PAPPA2: variants seen among roughly 807,000 people sequenced by gnomAD.
The protein encoded by PAPPA2 is pappalysin-2.
A neutral mutation model predicts 176.4 loss-of-function variants in PAPPA2; 86 were observed. The observed-to-expected ratio is 0.49, with a 90% CI of 0.41 to 0.58. The LOEUF (loss-of-function observed/expected upper bound fraction) is 0.58, where lower values mean the gene tolerates loss of function less well. PAPPA2 is among the 20% of genes least tolerant of loss of function. PAPPA2 has a pLI of 0.00. For synonymous variants in PAPPA2, 809 were observed against 852.2 expected (o/e 0.95, Z 0.88); for missense variants, 2,073 against 2,256.9 (o/e 0.92, Z 1.65).
intron 5 of PAPPA2, among the ~76,000 whole-genome samples, 173 bp from the exon 6 acceptor site, chr1:176,691,953 C>G (rs1660137111): frequency 6.6e-6 from 1 of 152,164 alleles, no homozygotes; most frequent in Non-Finnish European, 1.5e-5. Flanking sequence ...TTACCCTTTC[C>G]AGCTTAGACC....
chr1:176,842,622 TAG>T lies in PAPPA2; in HGVS notation c.*169_*170del. 1 of 645,558 alleles carries T rather than the reference TAG, an allele frequency of 1.5e-6. No homozygotes were observed. Among genetic ancestry groups the T allele is most frequent in the Non-Finnish European group, 2.6e-6 (1 of 381,998 alleles). The allele number at this position is 645,558 out of a possible 1,614,324, so 40.0% of individuals were successfully genotyped here. A position where few individuals can be genotyped will look rare whatever the true frequency, so the allele number is the denominator to read the frequency against. On this transcript the variant is annotated 3_prime_UTR_variant, in exon 23 of 23. Transcript: ENST00000367662. The stretch of plus-strand genomic sequence containing the variant: ...CAAGAGGATATTGATAGGTGTGAAC[TAG>T]TTCATCAAGTAGCCCAAGTAGGAGA...
intron 1 of PAPPA2, among the ~76,000 whole-genome samples, 174 bp downstream of exon 1, chr1:176,463,592 C>T (rs957583844): frequency 6.6e-6 from 1 of 152,212 alleles, no homozygotes; most frequent in African/African-American, 2.4e-5. Flanking sequence ...CCTTTAGCAT[C>T]ATTGTTCCCA....
intron 1 of PAPPA2, among the ~76,000 whole-genome samples, chr1:176,515,541 G>A (rs1648860832): frequency 1.3e-5 from 2 of 152,132 alleles, no homozygotes; most frequent in African/African-American, 4.8e-5. Flanking sequence ...AACCTAAACA[G>A]ATTTCTCAGA....
At chr1:176,530,453 C>T (rs1649749064) in intron 1 of PAPPA2, among the ~76,000 whole-genome samples, 1 of 152,196 alleles carries the variant, frequency 6.6e-6, no homozygotes, top group South Asian at 2.1e-4. Flanking sequence ...AAAAAAACAA[C>T]TCCAGAAGTC....
chr1:176,624,870 A>G (rs903157122), intron 3 of PAPPA2, among the ~76,000 whole-genome samples: 4 of 152,160 alleles, frequency 2.6e-5, no homozygotes, highest in Admixed American at 2.6e-4. Flanking sequence ...GAGCAACTTA[A>G]CCAGGTTGCA....
intron 12 of PAPPA2, among the ~76,000 whole-genome samples, chr1:176,718,701 T>A (rs905463372): frequency 2.0e-5 from 3 of 151,148 alleles, no homozygotes; most frequent in African/African-American, 7.3e-5. Context: ...GGGGTAACTT[T>A]TTTTTTTAAA....
chr1:176,484,021 C>T (rs2102483653), intron 1 of PAPPA2, among the ~76,000 whole-genome samples: 1 of 152,330 alleles, frequency 6.6e-6, no homozygotes, highest in East Asian at 1.9e-4. Context: ...ATTGGTTCTA[C>T]ATACAGAATA....
chr1:176,537,719 A>AGTGTGTGTGTGTGTGTGTGT (rs57602344), intron 1 of PAPPA2, among the ~76,000 whole-genome samples: 89 of 143,928 alleles, frequency 6.2e-4, no homozygotes, highest in Middle Eastern at 7.2e-3. Flanking sequence ...GTAGGTATGG[A>AGTGTGTGTGTGTGTGTGTGT]GTGTGTGTGT....
chr1:176,841,212 G>A (rs1014615673), intron 22 of PAPPA2, among the ~76,000 whole-genome samples: 39 of 152,130 alleles, frequency 2.6e-4, no homozygotes, highest in African/African-American at 9.2e-4. Context: ...AATCAGGCCA[G>A]CTATCTCTGT....
intron 14 of PAPPA2, among the ~76,000 whole-genome samples, chr1:176,744,491 G>C (rs1662819412): frequency 6.6e-6 from 1 of 151,990 alleles, no homozygotes; most frequent in South Asian, 2.1e-4. Context: ...TTACCTTTAG[G>C]ACATATATCT....
intron 1 of PAPPA2, among the ~76,000 whole-genome samples, chr1:176,483,762 C>T (rs1432237558): frequency 6.6e-6 from 1 of 152,114 alleles, no homozygotes; most frequent in African/African-American, 2.4e-5. Flanking sequence ...AGCCACCACA[C>T]CCAGCCTCAG....
intron 17 of PAPPA2, among the ~76,000 whole-genome samples, chr1:176,785,411 A>T (rs1268985163): frequency 6.6e-6 from 1 of 152,154 alleles, no homozygotes; most frequent in Non-Finnish European, 1.5e-5. Context: ...ATGTAGAGAG[A>T]TGCAGAAGTC....
chr1:176,595,065 G>A lies in PAPPA2; in HGVS notation c.1461G>A (p.Glu487=), dbSNP rs765175272. Residue 487 remains glutamate (E), a synonymous_variant, in exon 3 of 23, where the codon GAG becomes GAA. Coordinates refer to ENST00000367662, the MANE Select transcript of PAPPA2 (RefSeq NM_020318.3). ...RLEVLQGFEP[E]PEILSPLQPP... is the part of the protein sequence containing the mutation. ...AGGTTCTCCAGGGCTTTGAGCCAGAGCCTGAGATTCTGTCGCCTTTGCAGC... is the reference window on the plus strand; with the variant it reads ...AGGTTCTCCAGGGCTTTGAGCCAGAACCTGAGATTCTGTCGCCTTTGCAGC... 1.2e-6 allele frequency: 2 copies of A among 1,614,162 alleles called. No individual in the cohort carries two copies. Among genetic ancestry groups the A allele is most frequent in the Non-Finnish European group, 1.7e-6 (2 of 1,180,034 alleles).
At position 176,782,805 on chromosome 1, in the gene PAPPA2, C is replaced by T. The variant is rs543202457; in HGVS notation, c.4716-7004C>T. Among the ~76,000 whole-genome samples, 7 of 152,188 alleles carry T rather than the reference C, an allele frequency of 4.6e-5. 1 individual carries two copies. The highest frequency in any genetic ancestry group is 6.8e-3 in the Middle Eastern group (2 of 294). On this transcript the variant is annotated intron_variant, in intron 17 of 22. Coordinates refer to ENST00000367662, the MANE Select transcript of PAPPA2 (RefSeq NM_020318.3). ...AATTTATTTTTTTGAAAGTTCCCTC[C>T]GACTAATCTTTGCTGACTGGCTGGG...
chr1:176,652,934 G>A (rs1295099700), intron 3 of PAPPA2, among the ~76,000 whole-genome samples: 9 of 151,624 alleles, frequency 5.9e-5, no homozygotes, highest in Non-Finnish European at 1.2e-4. Context: ...TTTGGTTCTG[G>A]GACATTGCTA....
rs1666660798 is a variant in PAPPA2, at chr1:176,821,386, G to A, written c.5203-18787G>A. ...TTGAAGTAGATTTGAAGCATAAATAGGCATGAAAGGCAAAGATGTGAAAGG... is the reference window on the plus strand; with the variant it reads ...TTGAAGTAGATTTGAAGCATAAATAAGCATGAAAGGCAAAGATGTGAAAGG... On this transcript the variant is annotated intron_variant, in intron 21 of 22. Coordinates refer to ENST00000367662, the MANE Select transcript of PAPPA2 (RefSeq NM_020318.3). 4.6e-5 allele frequency among the ~76,000 whole-genome samples: 7 copies of A among 152,254 alleles called. No individual in the cohort carries two copies. In the South Asian group the frequency reaches 1.5e-3, roughly 32 times the overall value.
At chr1:176,639,431 C>G (rs760571927) in intron 3 of PAPPA2, among the ~76,000 whole-genome samples, 3 of 152,062 alleles carry the variant, frequency 2.0e-5, no homozygotes, top group Non-Finnish European at 4.4e-5. Flanking sequence ...GAAGAATATT[C>G]TAACTTAAAT....
chr1:176,829,935 C>T (rs895464739), intron 21 of PAPPA2, among the ~76,000 whole-genome samples: 3 of 152,226 alleles, frequency 2.0e-5, no homozygotes, highest in African/African-American at 7.2e-5. Flanking sequence ...TTTCATTCAT[C>T]TGTAGTCTTA....
intron 4 of PAPPA2, among the ~76,000 whole-genome samples, chr1:176,686,617 C>T (rs1219533484): frequency 4.6e-5 from 7 of 152,192 alleles, no homozygotes; most frequent in Admixed American, 3.3e-4. Flanking sequence ...TGGCTTCTTA[C>T]TGCCAGCTTT....
Sources: gnomAD v4.1 joint callset for allele counts (sites outside exome capture counted in the v4.1 genomes callset) on GRCh38, gnomAD v4.1.1 for gene constraint, MANE v1.5 for transcripts, NCBI Gene and HGNC (gene_info 2026-07-23, HGNC 2026-07-21) for gene names.